SQOR: variants seen among roughly 807,000 people sequenced by gnomAD.
SQOR encodes the protein sulfide quinone oxidoreductase, also known as sulfide:quinone oxidoreductase, mitochondrial.
Under a neutral mutation model 48.6 loss-of-function variants are expected in SQOR, and 39 were observed. That is an observed-to-expected ratio of 0.80 (90% confidence interval 0.62 to 1.05). The LOEUF (loss-of-function observed/expected upper bound fraction) is 1.05. Among genes scored for constraint, SQOR ranks in the 50% least tolerant of loss-of-function variants. SQOR has a pLI of 0.00. For synonymous variants in SQOR, 220 were observed against 206.2 expected (o/e 1.07, Z -0.57); for missense variants, 561 against 559.9 (o/e 1.00, Z -0.02).
chr15:45,650,745 G>C (rs1327879796), intron 1 of SQOR, among the ~76,000 whole-genome samples: 3 of 151,990 alleles, frequency 2.0e-5, no homozygotes, highest in Non-Finnish European at 2.9e-5. Context: ...GCTAGACACA[G>C]AGTGCTGATT....
intron 8 of SQOR, 111 bp downstream of exon 8, chr15:45,688,515 C>A: frequency 1.3e-5 from 8 of 622,376 alleles, no homozygotes; most frequent in East Asian, 3.6e-5. Flanking sequence ...TTCTGTTTTT[C>A]TTTTTTTTTT....
rs535971128 is a variant in SQOR at position 45,670,065 on chromosome 15, T to C, written c.459+84T>C. 486 of 1,315,340 alleles carry C rather than the reference T, an allele frequency of 3.7e-4. 1 individual carries two copies. The highest frequency in any genetic ancestry group is 7.3e-4 in the Middle Eastern group (4 of 5,446). 81.5% of individuals were successfully genotyped at this position (1,315,340 alleles called of 1,614,324 possible). A position where few individuals can be genotyped will look rare whatever the true frequency, so the allele number is the denominator to read the frequency against. On this transcript the variant is annotated intron_variant, in intron 4 of 9. Coordinates refer to ENST00000260324, the MANE Select transcript of SQOR (RefSeq NM_021199.4). The stretch of plus-strand genomic sequence containing the variant: ...GCATTTAGTTGCTTTATTATATTCA[T>C]TTTGACAAGAAAGGGGTTCTAAGAA...
At position 45,691,133 on chromosome 15, in the gene SQOR, G is replaced by T. The variant is rs1007719266; in HGVS notation, c.*103G>T. 48 of 1,032,518 alleles carry T rather than the reference G, an allele frequency of 4.6e-5. 1 individual carries two copies. Among genetic ancestry groups the T allele is most frequent in the Non-Finnish European group, 7.1e-5 (46 of 651,654 alleles). The allele number at this position is 1,032,518 out of a possible 1,614,324, so 64.0% of individuals were successfully genotyped here. A position where few individuals can be genotyped will look rare whatever the true frequency, so the allele number is the denominator to read the frequency against. ...AGGACTTGGAACCTATCCTTGTAAA[G>T]AGTTCCTTGATGGGTAATGGTGACC... On this transcript the variant is annotated 3_prime_UTR_variant, in exon 10 of 10. Coordinates refer to ENST00000260324, the MANE Select transcript of SQOR (RefSeq NM_021199.4).
intron 3 of SQOR, among the ~76,000 whole-genome samples, chr15:45,669,295 T>C (rs1417036643): frequency 4.6e-5 from 7 of 151,802 alleles, no homozygotes; most frequent in Non-Finnish European, 2.9e-5. Context: ...TCAGCCCCCC[T>C]GGGGACTACA....
intron 1 of SQOR, among the ~76,000 whole-genome samples, chr15:45,639,073 A>T (rs1895061847): frequency 6.6e-6 from 1 of 152,070 alleles, no homozygotes; most frequent in South Asian, 2.1e-4. Context: ...CAATAGGTTT[A>T]AAAAAAATGG....
At chr15:45,688,013 A>C (rs1354743007) in intron 7 of SQOR, among the ~76,000 whole-genome samples, 1 of 152,174 alleles carries the variant, frequency 6.6e-6, no homozygotes, top group Non-Finnish European at 1.5e-5. Flanking sequence ...AAGAACACTG[A>C]CTAAGTGGAC....
chr15:45,642,582 C>T (rs1031122166), intron 1 of SQOR, among the ~76,000 whole-genome samples: 3 of 152,090 alleles, frequency 2.0e-5, no homozygotes, highest in African/African-American at 7.2e-5. Context: ...TAACACATGC[C>T]TATCCAATCT....
chr15:45,643,578 A>C (rs1284801442), intron 1 of SQOR, among the ~76,000 whole-genome samples: 1 of 152,234 alleles, frequency 6.6e-6, no homozygotes, highest in African/African-American at 2.4e-5. Flanking sequence ...TTACATATTT[A>C]GCATAGCTAA....
chr15:45,647,192 T>C (rs763457048), intron 1 of SQOR, among the ~76,000 whole-genome samples: 1 of 151,826 alleles, frequency 6.6e-6, no homozygotes, highest in Non-Finnish European at 1.5e-5. Flanking sequence ...GAGGTTGCAG[T>C]GAGCCGAGAT....
chr15:45,664,215 G>A (rs1889772028), intron 3 of SQOR, among the ~76,000 whole-genome samples: 1 of 152,110 alleles, frequency 6.6e-6, no homozygotes, highest in Admixed American at 6.5e-5. Flanking sequence ...TGTCTTCACT[G>A]AGCCAGAATC....
chr15:45,651,021 A>T (rs1161256495), intron 1 of SQOR, among the ~76,000 whole-genome samples: 1 of 151,842 alleles, frequency 6.6e-6, no homozygotes, highest in East Asian at 2.0e-4. Flanking sequence ...TGCACTCCTC[A>T]GCCCTTGGGC....
At chr15:45,664,541 C>T (rs1889778768) in intron 3 of SQOR, among the ~76,000 whole-genome samples, 1 of 152,068 alleles carries the variant, frequency 6.6e-6, no homozygotes, top group Admixed American at 6.6e-5. Flanking sequence ...TTGTTAGTGC[C>T]CCATGAAAGA....
At chr15:45,662,297 T>C (rs774789741) in intron 3 of SQOR, among the ~76,000 whole-genome samples, 172 bp downstream of exon 3, 3 of 152,190 alleles carry the variant, frequency 2.0e-5, no homozygotes, top group Admixed American at 6.5e-5. Context: ...AAGTGGAGGA[T>C]AGATGGAAGG....
intron 4 of SQOR, among the ~76,000 whole-genome samples, chr15:45,672,933 A>T (rs1288562035): frequency 7.2e-6 from 1 of 139,048 alleles, no homozygotes; most frequent in Non-Finnish European, 1.6e-5. Context: ...TAAAACACAG[A>T]TTGCTGGGCC....
At chr15:45,658,413 G>T (rs1308974317) in intron 1 of SQOR, among the ~76,000 whole-genome samples, 1 of 152,150 alleles carries the variant, frequency 6.6e-6, no homozygotes, top group African/African-American at 2.4e-5. Flanking sequence ...CTTGCTAGAC[G>T]GTTTCTGTTT....
intron 9 of SQOR, among the ~76,000 whole-genome samples, chr15:45,690,082 CT>C (rs11449007): frequency 0.079 from 10,843 of 136,922 alleles, 433 homozygotes; most frequent in African/African-American, 0.1. Context: ...CCTCTTCCTC[CT>C]TTTTTTTTTT....
At chr15:45,636,216 A>C (rs1204532198) in intron 1 of SQOR, among the ~76,000 whole-genome samples, 1 of 152,136 alleles carries the variant, frequency 6.6e-6, no homozygotes, top group Non-Finnish European at 1.5e-5. Flanking sequence ...ACATTAAAAG[A>C]ATTTATGATA....
intron 2 of SQOR, 127 bp from the exon 3 acceptor site, chr15:45,661,828 G>A (rs186170277): frequency 1.0e-6 from 1 of 975,274 alleles, no homozygotes; most frequent in East Asian, 2.7e-5. Flanking sequence ...ACTTTGTGGA[G>A]ACTTTTCCAT....
intron 6 of SQOR, among the ~76,000 whole-genome samples, chr15:45,679,316 GT>G (rs1022623578): frequency 2.0e-5 from 3 of 152,118 alleles, no homozygotes; most frequent in Non-Finnish European, 4.4e-5. Flanking sequence ...TTTATAAGAG[GT>G]TTTAATTAAT....
Sources: allele counts gnomAD v4.1 joint callset (sites outside exome capture counted in the v4.1 genomes callset), GRCh38; gene constraint gnomAD v4.1.1; transcripts MANE v1.5; gene names NCBI Gene and HGNC (gene_info 2026-07-23, HGNC 2026-07-21).